Variants in PREX1 observed in about 807,000 individuals in gnomAD.
The protein encoded by PREX1 is phosphatidylinositol-3,4,5-trisphosphate dependent Rac exchange factor 1.
In PREX1, 41 loss-of-function variants were observed where a neutral mutation model predicts 198.3. That is an observed-to-expected ratio of 0.21 (90% CI 0.16 to 0.27). The LOEUF is 0.27. Ranked by LOEUF, PREX1 falls within the 10% of genes least tolerant of loss-of-function variation. The probability of loss-of-function intolerance (pLI) is 1.00; values close to 1 mark genes in which losing one functional copy is unlikely to be tolerated. For synonymous variants in PREX1, 843 were observed against 887.2 expected (o/e 0.95, Z 0.89); for missense variants, 1,620 against 2,200.7 (o/e 0.74, Z 5.28).
intron 1 of PREX1, among the ~76,000 whole-genome samples, chr20:48,799,719 A>G (rs1205201001): frequency 6.6e-6 from 1 of 152,172 alleles, no homozygotes; most frequent in Non-Finnish European, 1.5e-5. Context: ...TCCTGCAGGC[A>G]AGCGGGCCTC....
At chr20:48,739,569 C>A (rs751302624) in intron 3 of PREX1, among the ~76,000 whole-genome samples, 1 of 152,216 alleles carries the variant, frequency 6.6e-6, no homozygotes, top group Non-Finnish European at 1.5e-5. Flanking sequence ...ACAGTCTGCA[C>A]TGGCATCTGA....
In PREX1 at chr20:48,625,704, C is replaced by T. The variant is rs1440915117; in HGVS notation, c.*181G>A. 7 of 717,480 alleles carry T rather than the reference C, an allele frequency of 9.8e-6. No individual in the cohort carries two copies. The highest frequency in any genetic ancestry group is 6.7e-5 in the East Asian group (2 of 29,970). The allele number at this position is 717,480 out of a possible 1,614,324, so 44.4% of individuals were successfully genotyped here. Reference sequence around the variant, plus strand: ...CCGGCCCAGGGCCAATCAGCCAGCTCGTCATCACAGCGAGGGTGGCCAGGC... The same window carrying T: ...CCGGCCCAGGGCCAATCAGCCAGCTTGTCATCACAGCGAGGGTGGCCAGGC... On this transcript the variant is annotated 3_prime_UTR_variant, in exon 40 of 40. Coordinates refer to ENST00000371941, the MANE Select transcript of PREX1 (RefSeq NM_020820.4).
chr20:48,802,741 C>T (rs931806665), intron 1 of PREX1, among the ~76,000 whole-genome samples: 1 of 152,214 alleles, frequency 6.6e-6, no homozygotes. Flanking sequence ...GGACCTTAGT[C>T]AGTATCTGCT....
chr20:48,747,303 C>A (rs1167455416), intron 2 of PREX1, among the ~76,000 whole-genome samples: 1 of 152,232 alleles, frequency 6.6e-6, no homozygotes, highest in East Asian at 1.9e-4. Flanking sequence ...CTGAGCCATG[C>A]ACACAGAAGG....
intron 14 of PREX1, among the ~76,000 whole-genome samples, chr20:48,672,866 C>T (rs1054905818): frequency 1.3e-5 from 2 of 152,204 alleles, no homozygotes; most frequent in Admixed American, 6.5e-5. Flanking sequence ...CTAGCACCAG[C>T]GGGCATGTGA....
chr20:48,690,423 A>C (rs1031080733), intron 9 of PREX1, among the ~76,000 whole-genome samples: 1 of 152,128 alleles, frequency 6.6e-6, no homozygotes, highest in African/African-American at 2.4e-5. Flanking sequence ...TCCTTTTCCC[A>C]GCCTGGTGGT....
Position 48,649,384 on chromosome 20 carries a change from T to G in PREX1, c.3221A>C (p.Glu1074Ala). ...GAGCTGCAGGTAGGCATCCTGGATC[T>G]CACGGTCCTCCTGCTTGAGTAGGAA... ...LSFLLKQEDR[E>A]IQDAYLQLFT... The change falls in exon 25 of 40, where the codon GAG becomes GCG. Residue 1074 changes from glutamate (E) to alanine (A), a missense_variant. This residue lies in a region of PREX1 where 514 missense variants were observed against 611.6 expected (regional missense o/e 0.84). Transcript: ENST00000371941. The G allele has an allele frequency of 6.2e-7, 1 of 1,614,174 alleles. No individual in the cohort carries two copies. The highest frequency in any genetic ancestry group is 8.5e-7 in the Non-Finnish European group (1 of 1,180,022).
chr20:48,790,003 A>C (rs917184760), intron 1 of PREX1, among the ~76,000 whole-genome samples: 2 of 152,200 alleles, frequency 1.3e-5, no homozygotes, highest in Non-Finnish European at 2.9e-5. Flanking sequence ...ATGCTGAATG[A>C]ACCCATTAGC....
chr20:48,634,371 A>T (rs2089344633), intron 33 of PREX1, among the ~76,000 whole-genome samples: 1 of 152,226 alleles, frequency 6.6e-6, no homozygotes, highest in Non-Finnish European at 1.5e-5. Context: ...AGCCCTTTAA[A>T]AATCTTAAGT....
intron 10 of PREX1, among the ~76,000 whole-genome samples, chr20:48,685,881 G>A (rs917513614): frequency 3.6e-5 from 5 of 137,058 alleles, no homozygotes; most frequent in South Asian, 2.5e-4. Context: ...GCAACAGAGC[G>A]AGACCCTGTC....
At chr20:48,763,569 A>G (rs2090194305) in intron 1 of PREX1, among the ~76,000 whole-genome samples, 1 of 152,202 alleles carries the variant, frequency 6.6e-6, no homozygotes, top group South Asian at 2.1e-4. Context: ...CCTCAGTCCA[A>G]CTATTTTTTT....
intron 1 of PREX1, among the ~76,000 whole-genome samples, chr20:48,765,582 T>A (rs1381625749): frequency 6.6e-6 from 1 of 152,206 alleles, no homozygotes; most frequent in Non-Finnish European, 1.5e-5. Flanking sequence ...TACACCCCCA[T>A]TTCACAGACA....
intron 7 of PREX1, among the ~76,000 whole-genome samples, chr20:48,694,155 A>AC (rs1246108531): frequency 6.8e-6 from 1 of 146,450 alleles, no homozygotes; most frequent in Non-Finnish European, 1.5e-5. Flanking sequence ...CAAGTTATCC[A>AC]CCCCCCTCGG....
In PREX1 at chr20:48,665,049, G is replaced by A. The variant is rs1458322180; in HGVS notation, c.1738+1234C>T. On this transcript the variant is annotated intron_variant, in intron 15 of 39. Coordinates refer to ENST00000371941, the MANE Select transcript of PREX1 (RefSeq NM_020820.4). ...CTGAATTCTAATCCCGACTCCAGAC[G>A]GCCTGAATTCTAATCCCGACTCCAG... Among the ~76,000 whole-genome samples, 24 of 141,862 alleles carry A rather than the reference G, an allele frequency of 1.7e-4. 1 individual carries two copies. Among genetic ancestry groups the A allele is most frequent in the Admixed American group, 4.2e-4 (6 of 14,218 alleles). 93.1% of individuals were successfully genotyped at this position (141,862 alleles called of 152,430 possible). A position where few individuals can be genotyped will look rare whatever the true frequency, so the allele number is the denominator to read the frequency against.
chr20:48,681,425 CT>C, intron 10 of PREX1, 90 bp from the exon 11 acceptor site: 2 of 1,240,970 alleles, frequency 1.6e-6, no homozygotes, highest in South Asian at 2.4e-5. Context: ...ACATCCACCC[CT>C]GGGAATGACA....
chr20:48,744,531 C>T (rs1233539612), intron 3 of PREX1, among the ~76,000 whole-genome samples: 2 of 152,150 alleles, frequency 1.3e-5, no homozygotes, highest in Non-Finnish European at 2.9e-5. Context: ...ATTCCAAATG[C>T]GTTAGTAATC....
intron 21 of PREX1, among the ~76,000 whole-genome samples, chr20:48,651,936 C>T (rs2089501461): frequency 6.6e-6 from 1 of 152,234 alleles, no homozygotes; most frequent in African/African-American, 2.4e-5. Context: ...ATGATAGTGG[C>T]TTGGACCAGG....
At chr20:48,883,878 G>T in the PREX1 span, among the ~76,000 whole-genome samples, 5,163 of 152,064 alleles carry the variant, frequency 0.034, 125 homozygotes, top group Non-Finnish European at 0.051. Flanking sequence ...CAGTGGCTCA[G>T]GCCTGTAATC....
intron 18 of PREX1, among the ~76,000 whole-genome samples, chr20:48,656,137 A>T (rs1290206804): frequency 6.6e-6 from 1 of 152,194 alleles, no homozygotes; most frequent in Non-Finnish European, 1.5e-5. Flanking sequence ...AATCATATTT[A>T]AAACTTTCCA....
Sources: allele counts gnomAD v4.1 joint callset (sites outside exome capture counted in the v4.1 genomes callset), GRCh38; gene constraint gnomAD v4.1.1; regional missense constraint gnomAD v4.1.1; transcripts MANE v1.5; gene names NCBI Gene and HGNC (gene_info 2026-07-23, HGNC 2026-07-21).